TAFA1: variants seen among roughly 807,000 people sequenced by gnomAD.
The protein encoded by TAFA1 is TAFA chemokine like family member 1.
TAFA1 carries 4 observed loss-of-function variants against 18.5 expected under a neutral mutation model. The observed-to-expected ratio is 0.22, with a 90% CI of 0.11 to 0.49. TAFA1 has a LOEUF of 0.49. Among genes scored for constraint, TAFA1 ranks in the 20% least tolerant of loss-of-function variants. The pLI, the probability that TAFA1 is intolerant of heterozygous loss-of-function variation, is 0.98. For synonymous variants in TAFA1, 56 were observed against 55.2 expected, an observed-to-expected ratio of 1.01 and a Z score of -0.06; for missense variants, 147 against 169.0, an observed-to-expected ratio of 0.87 and a Z score of 0.72.
chr3:68,495,890 G>A (rs2072537365), intron 3 of TAFA1, among the ~76,000 whole-genome samples: 1 of 151,392 alleles, frequency 6.6e-6, no homozygotes, highest in Non-Finnish European at 1.5e-5. Flanking sequence ...AGTGATCTGT[G>A]CAGATAGTGA....
intron 2 of TAFA1, among the ~76,000 whole-genome samples, chr3:68,067,697 TCTTC>T (rs1015958331): frequency 6.6e-6 from 1 of 152,154 alleles, no homozygotes; most frequent in South Asian, 2.1e-4. Context: ...AGCCAACTTT[TCTTC>T]CTTCCTTCCT....
At chr3:68,392,421 AG>A (rs1676711719) in intron 2 of TAFA1, among the ~76,000 whole-genome samples, 1 of 152,120 alleles carries the variant, frequency 6.6e-6, no homozygotes, top group Non-Finnish European at 1.5e-5. Flanking sequence ...GGGAGACTTT[AG>A]TACCCCACTG....
intron 3 of TAFA1, among the ~76,000 whole-genome samples, chr3:68,432,136 A>G (rs2106839730): frequency 6.6e-6 from 1 of 151,954 alleles, no homozygotes; most frequent in African/African-American, 2.4e-5. Flanking sequence ...TTGCTTTCCA[A>G]CTTTTTGCTT....
intron 2 of TAFA1, among the ~76,000 whole-genome samples, chr3:68,041,249 T>G (rs535278957): frequency 1.3e-5 from 2 of 152,360 alleles, no homozygotes; most frequent in East Asian, 3.9e-4. Flanking sequence ...TTCTTTTACA[T>G]GAACATATCC....
chr3:68,470,879 C>A (rs1011830615), intron 3 of TAFA1, among the ~76,000 whole-genome samples: 2 of 152,172 alleles, frequency 1.3e-5, no homozygotes, highest in African/African-American at 4.8e-5. Context: ...ATCACCAAGA[C>A]AAAGGGGAAA....
intron 3 of TAFA1, among the ~76,000 whole-genome samples, chr3:68,503,314 C>CA (rs774106923): frequency 6.6e-6 from 1 of 152,038 alleles, no homozygotes; most frequent in Non-Finnish European, 1.5e-5. Context: ...CTGCAAAACC[C>CA]AAAAAACCTG....
chr3:68,044,958 C>A (rs1396503895), intron 2 of TAFA1, among the ~76,000 whole-genome samples: 2 of 152,166 alleles, frequency 1.3e-5, no homozygotes, highest in African/African-American at 4.8e-5. Flanking sequence ...TGGAAAGATA[C>A]CCACAGGAAC....
intron 2 of TAFA1, among the ~76,000 whole-genome samples, chr3:68,396,981 A>G (rs1486748938): frequency 6.6e-6 from 1 of 152,102 alleles, no homozygotes; most frequent in East Asian, 1.9e-4. Context: ...TTTTGACCCC[A>G]GCACTCCAAT....
chr3:68,082,045 C>T (rs200223994), intron 2 of TAFA1, among the ~76,000 whole-genome samples: 5 of 152,314 alleles, frequency 3.3e-5, no homozygotes, highest in Admixed American at 6.5e-5. Context: ...ATTGGAAAAG[C>T]GCAGTACTCG....
At chr3:68,312,745 G>A (rs890395732) in intron 2 of TAFA1, among the ~76,000 whole-genome samples, 2 of 152,102 alleles carry the variant, frequency 1.3e-5, no homozygotes, top group Admixed American at 6.5e-5. Context: ...TCCAACCTCT[G>A]CCTGTTACCC....
At chr3:68,275,959 C>G (rs532493264) in intron 2 of TAFA1, among the ~76,000 whole-genome samples, 3 of 152,220 alleles carry the variant, frequency 2.0e-5, no homozygotes, top group African/African-American at 7.2e-5. Flanking sequence ...GGGACCATGT[C>G]TTCCCACTTA....
intron 3 of TAFA1, among the ~76,000 whole-genome samples, chr3:68,495,688 T>C (rs2665530): frequency 0.21 from 31,415 of 152,036 alleles, 3,426 homozygotes; most frequent in African/African-American, 0.25. Flanking sequence ...TTGAATGATC[T>C]ACAGTCCACA....
chr3:68,536,294 TAG>T (rs1375121381), intron 3 of TAFA1, among the ~76,000 whole-genome samples: 2 of 152,150 alleles, frequency 1.3e-5, no homozygotes. Flanking sequence ...GAATACTGGA[TAG>T]AGAGAGAATT....
intron 2 of TAFA1, among the ~76,000 whole-genome samples, chr3:68,380,799 T>C (rs2106669737): frequency 6.7e-6 from 1 of 150,146 alleles, no homozygotes; most frequent in East Asian, 2.0e-4. Context: ...CAATTTTGGC[T>C]TTTGTTGCCA....
chr3:68,207,218 C>G (rs1196488885), intron 2 of TAFA1, among the ~76,000 whole-genome samples: 5 of 151,730 alleles, frequency 3.3e-5, no homozygotes, highest in Non-Finnish European at 1.5e-5. Flanking sequence ...TTTTGGTAAC[C>G]AAGACCCATA....
intron 2 of TAFA1, among the ~76,000 whole-genome samples, chr3:68,314,921 T>C (rs2106689782): frequency 6.7e-6 from 1 of 148,760 alleles, no homozygotes; most frequent in East Asian, 1.9e-4. Flanking sequence ...TTCTTATAAA[T>C]ATTATATATA....
intron 2 of TAFA1, among the ~76,000 whole-genome samples, chr3:68,052,776 G>A (rs1224008987): frequency 6.6e-6 from 1 of 152,088 alleles, no homozygotes; most frequent in East Asian, 1.9e-4. Context: ...TAGTGTTAAA[G>A]GATAATTTTC....
At chr3:68,229,864 G>A (rs929664108) in intron 2 of TAFA1, among the ~76,000 whole-genome samples, 5 of 152,150 alleles carry the variant, frequency 3.3e-5, no homozygotes, top group Non-Finnish European at 1.5e-5. Context: ...TATAATGCTT[G>A]CCTCAAACAG....
intron 3 of TAFA1, among the ~76,000 whole-genome samples, chr3:68,420,964 T>A (rs1376078168): frequency 6.6e-6 from 1 of 152,196 alleles, no homozygotes; most frequent in Non-Finnish European, 1.5e-5. Flanking sequence ...AAAACCATGA[T>A]GGTTTCTCAT....
Sources: allele counts gnomAD v4.1 joint callset (sites outside exome capture counted in the v4.1 genomes callset), GRCh38; gene constraint gnomAD v4.1.1; transcripts MANE v1.5; gene names NCBI Gene and HGNC (gene_info 2026-07-23, HGNC 2026-07-21).